The following KHDRBS3 variants were observed in gnomAD, a reference collection of about 807,000 sequenced individuals.
The protein encoded by KHDRBS3 is KH domain-containing, RNA-binding, signal transduction-associated protein 3.
In KHDRBS3, 23 loss-of-function variants were observed where a neutral mutation model predicts 45.6. The observed-to-expected ratio is 0.50, with a 90% confidence interval of 0.36 to 0.72. The LOEUF (loss-of-function observed/expected upper bound fraction) is 0.72, where lower values mean the gene tolerates loss of function less well. Among genes scored for constraint, KHDRBS3 ranks in the 30% least tolerant of loss-of-function variants. KHDRBS3 has a pLI of 0.00. For missense variants in KHDRBS3, 352 were observed against 424.8 expected, an observed-to-expected ratio of 0.83 and a Z score of 1.51; for synonymous variants, 162 against 156.5, an observed-to-expected ratio of 1.04 and a Z score of -0.26.
chr8:135,634,278 C>T (rs2131152666), intron 7 of KHDRBS3, among the ~76,000 whole-genome samples: 1 of 152,264 alleles, frequency 6.6e-6, no homozygotes, highest in South Asian at 2.1e-4. Context: ...CTTGTTTTCC[C>T]TCCCCTGTCA....
intron 1 of KHDRBS3, among the ~76,000 whole-genome samples, chr8:135,506,920 A>G (rs933225312): frequency 1.3e-5 from 2 of 151,894 alleles, no homozygotes; most frequent in African/African-American, 4.8e-5. Context: ...TGAATCATTT[A>G]TCCTGTAGGA....
intron 1 of KHDRBS3, among the ~76,000 whole-genome samples, chr8:135,483,590 T>C (rs942831115): frequency 3.9e-5 from 6 of 152,206 alleles, no homozygotes; most frequent in Non-Finnish European, 7.3e-5. Flanking sequence ...TACTTTTCCT[T>C]TATGAACAGA....
chr8:135,636,855 G>C (rs775990719), intron 7 of KHDRBS3, among the ~76,000 whole-genome samples: 6 of 152,186 alleles, frequency 3.9e-5, no homozygotes, highest in Non-Finnish European at 8.8e-5. Flanking sequence ...ATTCTCAGGG[G>C]AAGAGGGACA....
chr8:135,482,749 T>C (rs1414815904), intron 1 of KHDRBS3, among the ~76,000 whole-genome samples: 4 of 152,148 alleles, frequency 2.6e-5, no homozygotes, highest in Non-Finnish European at 5.9e-5. Context: ...CTGTGAGGAT[T>C]TGGGCAAGTT....
Position 135,647,552 on chromosome 8 carries a change from T to C in KHDRBS3, c.*468T>C, listed in dbSNP as rs1031976782. 1 of 152,828 alleles carries C rather than the reference T, an allele frequency of 6.5e-6. No individual in the cohort carries two copies. Among genetic ancestry groups the C allele is most frequent in the Non-Finnish European group, 1.5e-5 (1 of 68,168 alleles). The allele number at this position is 152,828 out of a possible 1,614,324, so 9.5% of individuals were successfully genotyped here. A position where few individuals can be genotyped will look rare whatever the true frequency, so the allele number is the denominator to read the frequency against. ...CTTTTGTAACTCAAGTCTTGAAATG[T>C]TCTGTAGTGTTAAGCAAAGTCTCCT... On this transcript the variant is annotated 3_prime_UTR_variant, in exon 9 of 9. Coordinates refer to ENST00000355849, the MANE Select transcript of KHDRBS3 (RefSeq NM_006558.3).
chr8:135,635,921 C>T (rs142668811), intron 7 of KHDRBS3, among the ~76,000 whole-genome samples: 55 of 152,260 alleles, frequency 3.6e-4, no homozygotes, highest in African/African-American at 1.3e-3. Flanking sequence ...CTGATCTCAA[C>T]AGAGATAAGT....
chr8:135,463,993 C>T (rs544694155), intron 1 of KHDRBS3, among the ~76,000 whole-genome samples: 43 of 152,254 alleles, frequency 2.8e-4, no homozygotes, highest in South Asian at 8.3e-4. Flanking sequence ...GGTTTTATTC[C>T]CTGCGTGCCT....
At chr8:135,543,089 T>A (rs1159384633) in intron 3 of KHDRBS3, among the ~76,000 whole-genome samples, 1 of 152,208 alleles carries the variant, frequency 6.6e-6, no homozygotes, top group Admixed American at 6.5e-5. Flanking sequence ...CATTACTGTT[T>A]GCATTTTAGA....
chr8:135,581,978 G>C lies in KHDRBS3; in HGVS notation c.712G>C (p.Gly238Arg). 1 of 1,613,404 alleles carries C rather than the reference G, an allele frequency of 6.2e-7. No individual in the cohort carries two copies. The highest frequency in any genetic ancestry group is 8.5e-7 in the Non-Finnish European group (1 of 1,179,692). ...VLSTRGPVSRGRGLLTPRARG... is the reference protein window; with the variant it reads ...VLSTRGPVSRRRGLLTPRARG... ...GTCCACCCGAGGGCCAGTGAGTCGG[G>C]GAAGAGGACTTCTCACTCCCAGAGC... is the stretch of plus-strand genomic sequence containing the variant. Residue 238 changes from glycine (G) to arginine (R), a missense_variant, in exon 6 of 9, where the codon GGA (glycine) becomes CGA (arginine). Transcript: ENST00000355849.
chr8:135,492,323 T>G (rs1823195982), intron 1 of KHDRBS3, among the ~76,000 whole-genome samples: 2 of 152,132 alleles, frequency 1.3e-5, no homozygotes, highest in South Asian at 4.1e-4. Flanking sequence ...TCACATTTAC[T>G]TGATGACAGT....
intron 6 of KHDRBS3, among the ~76,000 whole-genome samples, chr8:135,596,844 G>A (rs1697142050): frequency 6.6e-6 from 1 of 152,112 alleles, no homozygotes; most frequent in Non-Finnish European, 1.5e-5. Context: ...AGCGAAGCGT[G>A]AAGAGAAGAG....
rs1353883099 is a variant in KHDRBS3, at chr8:135,515,249, C to T, written c.89-5988C>T. On this transcript the variant is annotated intron_variant, in intron 1 of 8. Transcript: ENST00000355849. ...GGCGTGGTGGCGGGCGCCTGTGGTC[C>T]CAGCTACTGGGGAGGCTGAGGTAGG... 4.6e-5 allele frequency among the ~76,000 whole-genome samples: 7 copies of T among 151,260 alleles called. No homozygotes were observed. The South Asian group carries it at 1.5e-3, about 32-fold the overall frequency.
chr8:135,513,592 A>T, intron 1 of KHDRBS3, among the ~76,000 whole-genome samples: 1 of 151,870 alleles, frequency 6.6e-6, no homozygotes, highest in East Asian at 1.9e-4. Flanking sequence ...GTTTTTTTTT[A>T]CTGAGAAAGT....
chr8:135,570,893 G>C (rs139633043), intron 5 of KHDRBS3, among the ~76,000 whole-genome samples: 79 of 152,288 alleles, frequency 5.2e-4, no homozygotes, highest in Non-Finnish European at 8.7e-4. Context: ...ACTTTCTGAT[G>C]GTGTGTTAAT....
At chr8:135,544,766 CTA>C (rs1826208167) in intron 3 of KHDRBS3, among the ~76,000 whole-genome samples, 2 of 152,216 alleles carry the variant, frequency 1.3e-5, no homozygotes, top group Admixed American at 1.3e-4. Context: ...TCTTTCATTT[CTA>C]TGTCTTTGGA....
At chr8:135,500,143 G>GC (rs778747424) in intron 1 of KHDRBS3, among the ~76,000 whole-genome samples, 10 of 152,090 alleles carry the variant, frequency 6.6e-5, no homozygotes, top group Non-Finnish European at 1.2e-4. Context: ...GATAGACTTA[G>GC]CCCCCAAAAC....
chr8:135,524,761 C>CCTTT (rs1449997189), intron 2 of KHDRBS3, among the ~76,000 whole-genome samples: 1 of 151,072 alleles, frequency 6.6e-6, no homozygotes, highest in Admixed American at 6.6e-5. Flanking sequence ...CTCATTGATT[C>CCTTT]CTTTCTGTTC....
At chr8:135,518,877 A>G (rs1824761282) in intron 1 of KHDRBS3, among the ~76,000 whole-genome samples, 1 of 152,150 alleles carries the variant, frequency 6.6e-6, no homozygotes, top group South Asian at 2.1e-4. Flanking sequence ...GATAGGAGAA[A>G]CCTTAAAAAA....
intron 4 of KHDRBS3, among the ~76,000 whole-genome samples, chr8:135,655,497 TAGGAACGTATA>T (rs1831514709): frequency 6.6e-6 from 1 of 152,222 alleles, no homozygotes; most frequent in Non-Finnish European, 1.5e-5. Context: ...TCATGTGTTT[TAGGAACGTATA>T]AGCAGCTGCT....
Sources: allele counts gnomAD v4.1 joint callset (sites outside exome capture counted in the v4.1 genomes callset), GRCh38; gene constraint gnomAD v4.1.1; transcripts MANE v1.5; gene names NCBI Gene and HGNC (gene_info 2026-07-23, HGNC 2026-07-21).